Variants in EIF3M observed in about 807,000 individuals in gnomAD.
The protein encoded by EIF3M is eukaryotic translation initiation factor 3 subunit M, also known as B5 receptor.
EIF3M carries 25 observed loss-of-function variants against 49.7 expected under a neutral mutation model. The observed-to-expected ratio is 0.50, with a 90% CI of 0.37 to 0.70. EIF3M has a LOEUF of 0.70. EIF3M is among the 30% of genes least tolerant of loss of function. The pLI is 0.00. For synonymous variants in EIF3M, 156 were observed against 149.8 expected, an observed-to-expected ratio of 1.04 and a Z score of -0.30; for missense variants, 350 against 440.0, an observed-to-expected ratio of 0.80 and a Z score of 1.83.
intron 3 of EIF3M, 116 bp from the exon 4 acceptor site, chr11:32,588,896 C>T: frequency 6.5e-7 from 1 of 1,533,158 alleles, no homozygotes; most frequent in Non-Finnish European, 8.8e-7. Flanking sequence ...CTAGTTTCCT[C>T]CTTTGTAATA....
intron 5 of EIF3M, 105 bp from the exon 6 acceptor site, chr11:32,593,761 G>A: frequency 3.0e-6 from 2 of 671,338 alleles, no homozygotes; most frequent in Non-Finnish European, 4.4e-6. Flanking sequence ...GTCTCTCTTA[G>A]TCACCGTTAT....
chr11:32,603,660 A>G lies in EIF3M; in HGVS notation c.*1261A>G, dbSNP rs1028479899. On this transcript the variant is annotated 3_prime_UTR_variant, in exon 11 of 11. Coordinates refer to ENST00000531120, the MANE Select transcript of EIF3M (RefSeq NM_006360.6). ...ATACTCCCTTTTATGGATGTTTGATATATCTCCTACTACTGAATGTTTGTT... is the reference window on the plus strand; with the variant it reads ...ATACTCCCTTTTATGGATGTTTGATGTATCTCCTACTACTGAATGTTTGTT... 1 of 152,188 alleles carries G rather than the reference A, an allele frequency of 6.6e-6. No individual in the cohort carries two copies. Among genetic ancestry groups the G allele is most frequent in the Non-Finnish European group, 1.5e-5 (1 of 68,034 alleles). 9.4% of individuals were successfully genotyped at this position (152,188 alleles called of 1,614,324 possible).
chr11:32,587,168 T>C, intron 2 of EIF3M, 24 bp downstream of exon 2: 1 of 1,539,370 alleles, frequency 6.5e-7, no homozygotes, highest in Non-Finnish European at 8.8e-7. Context: ...TTTTTTCTAA[T>C]ATTTCCTAAT....
Position 32,600,800 on chromosome 11 carries a change from G to A in EIF3M, c.911G>A (p.Gly304Glu), listed in dbSNP as rs1565051439. Residue 304 changes from glycine to glutamate, a missense_variant, in exon 9 of 11, where the codon GGA (glycine) becomes GAA (glutamate). By Grantham distance (98) the Gly-to-Glu change is moderately conservative (BLOSUM62 -2). Transcript: ENST00000531120. Reference protein sequence around the residue: ...FDTMQQELQIGADDVEAFVID... With the variant: ...FDTMQQELQIEADDVEAFVID... ...ACAATGCAGCAAGAACTTCAGATTG[G>A]AGCTGATGATGTTGAAGCATTTGTT... 1 of 1,609,340 alleles carries A rather than the reference G, an allele frequency of 6.2e-7. No homozygotes were observed. Among genetic ancestry groups the A allele is most frequent in the Non-Finnish European group, 8.5e-7 (1 of 1,177,596 alleles).
chr11:32,588,966 T>G, intron 3 of EIF3M, 46 bp from the exon 4 acceptor site: 1 of 1,607,022 alleles, frequency 6.2e-7, no homozygotes, highest in Non-Finnish European at 8.5e-7. Flanking sequence ...AACTTAAAAC[T>G]GGTTGCTGAT....
rs377125958 is a variant in EIF3M, at chr11:32,587,009, C to G, written c.43-3C>G. 3.1e-6 allele frequency: 5 copies of G among 1,604,266 alleles called. No individual in the cohort carries two copies. The African/African-American group carries it at 4.0e-5, about 13-fold the overall frequency. ...AGTTTTATAATAGAGCAATCCTCAA[C>G]AGGCTGCTGAGCTTCGTGCTTATCT... is the stretch of plus-strand genomic sequence containing the variant. On this transcript the variant is annotated splice_polypyrimidine_tract_variant and splice_region_variant and intron_variant, in intron 1 of 10. Transcript: ENST00000531120.
Position 32,587,112 on chromosome 11 carries a change from C to G in EIF3M, c.143C>G (p.Ala48Gly). ...GTTGATTTAGCTCAAATTATTGAAG[C>G]CTGTGATGTGTGTCTGAAGGAGGAT... ...LHVDLAQIIE[A>G]CDVCLKEDDK... Residue 48 changes from alanine (A) to glycine (G), a missense_variant, in exon 2 of 11, where the codon GCC becomes GGC. Coordinates refer to ENST00000531120, the MANE Select transcript of EIF3M (RefSeq NM_006360.6). 6.2e-7 allele frequency: 1 copy of G among 1,611,204 alleles called. No individual in the cohort carries two copies.
At chr11:32,587,982 TAAGA>T (rs1400470870) in intron 2 of EIF3M, among the ~76,000 whole-genome samples, 1 of 152,348 alleles carries the variant, frequency 6.6e-6, no homozygotes, top group East Asian at 1.9e-4. Flanking sequence ...TTTCCTTAAT[TAAGA>T]AAGTATCCTA....
intron 9 of EIF3M, 154 bp from the exon 10 acceptor site, chr11:32,601,608 C>T (rs1431312759): frequency 1.2e-5 from 7 of 606,886 alleles, no homozygotes; most frequent in Middle Eastern, 4.6e-4. Context: ...TTTTGGTTGC[C>T]CCATACTGTT....
intron 4 of EIF3M, 58 bp downstream of exon 4, chr11:32,589,193 TGAG>T: frequency 6.4e-7 from 1 of 1,571,300 alleles, no homozygotes; most frequent in African/African-American, 1.4e-5. Flanking sequence ...TTTTTTTTTT[TGAG>T]ACGGAGTTTC....
intron 6 of EIF3M, chr11:32,594,155 T>C: frequency 2.8e-6 from 1 of 362,972 alleles, no homozygotes; most frequent in Non-Finnish European, 4.9e-6. Context: ...AGTAGCTGCA[T>C]GGCGTTTACC....
At position 32,605,452 on chromosome 11, in the gene EIF3M, C is replaced by T. The variant is rs997446641; in HGVS notation, c.*3053C>T. 1 of 152,114 alleles carries T rather than the reference C, an allele frequency of 6.6e-6. No individual in the cohort carries two copies. Among genetic ancestry groups the T allele is most frequent in the Non-Finnish European group, 1.5e-5 (1 of 68,034 alleles). 9.4% of individuals were successfully genotyped at this position (152,114 alleles called of 1,614,324 possible). The stretch of plus-strand genomic sequence containing the variant: ...TTACTCATTAGCTTCTTTTAGTTCC[C>T]AGATGCTATTACTGGAAAGAATAAC... On this transcript the variant is annotated 3_prime_UTR_variant, in exon 11 of 11. Coordinates refer to ENST00000531120, the MANE Select transcript of EIF3M (RefSeq NM_006360.6).
intron 1 of EIF3M, among the ~76,000 whole-genome samples, chr11:32,584,493 A>G (rs1854961722): frequency 6.6e-6 from 1 of 151,538 alleles, no homozygotes; most frequent in Non-Finnish European, 1.5e-5. Flanking sequence ...CTGTAGTCCC[A>G]GCTACTGCCG....
At chr11:32,584,028 AC>A in intron 1 of EIF3M, 99 bp downstream of exon 1, 1 of 1,491,350 alleles carries the variant, frequency 6.7e-7, no homozygotes, top group Non-Finnish European at 9.2e-7. Context: ...CGGGGCTGAC[AC>A]CCGCAGCTGT....
chr11:32,602,611 A>G lies in EIF3M; in HGVS notation c.*212A>G. ...TTCTGTTCTTTAAAAAAGGATATTG[A>G]AGAAGCAATGAGCACTTTAAAGAAA... On this transcript the variant is annotated 3_prime_UTR_variant, in exon 11 of 11. Transcript: ENST00000531120. 1 of 760,358 alleles carries G rather than the reference A, an allele frequency of 1.3e-6. No individual in the cohort carries two copies. The highest frequency in any genetic ancestry group is 2.0e-6 in the Non-Finnish European group (1 of 491,342). The allele number at this position is 760,358 out of a possible 1,614,324, so 47.1% of individuals were successfully genotyped here. A position where few individuals can be genotyped will look rare whatever the true frequency, so the allele number is the denominator to read the frequency against.
intron 8 of EIF3M, among the ~76,000 whole-genome samples, chr11:32,596,472 G>A (rs758982831): frequency 2.7e-4 from 41 of 151,952 alleles, no homozygotes; most frequent in Non-Finnish European, 4.1e-4. Flanking sequence ...GCGGGTGCCC[G>A]TAGTCCCAGC....
intron 5 of EIF3M, among the ~76,000 whole-genome samples, chr11:32,591,373 TAAGTC>T (rs1855100515): frequency 6.6e-6 from 1 of 152,370 alleles, no homozygotes; most frequent in African/African-American, 2.4e-5. Flanking sequence ...TTTTTATAGT[TAAGTC>T]ATTATACTTT....
At chr11:32,598,283 CAG>C (rs775595345) in intron 8 of EIF3M, among the ~76,000 whole-genome samples, 97 of 152,230 alleles carry the variant, frequency 6.4e-4, no homozygotes, top group Middle Eastern at 6.8e-3. Flanking sequence ...CATTTTAAGA[CAG>C]GGGTCAGTGA....
rs79909167 is a variant in EIF3M at position 32,594,172 on chromosome 11, G to T, written c.617+223G>T. On this transcript the variant is annotated intron_variant, in intron 6 of 10. Transcript: ENST00000531120. Reference sequence around the variant, plus strand: ...TAGCTGCATGGCGTTTACCTGGCGGGGGGGGTATTGCTGGTATGGGGATGA... The same window carrying T: ...TAGCTGCATGGCGTTTACCTGGCGGTGGGGGTATTGCTGGTATGGGGATGA... The T allele has an allele frequency of 7.2e-4, 245 of 341,020 alleles. 2 individuals carry two copies. The East Asian group carries it at 9.7e-3, about 13-fold the overall frequency. 21.1% of individuals were successfully genotyped at this position (341,020 alleles called of 1,614,324 possible).
Sources: allele counts gnomAD v4.1 joint callset (sites outside exome capture counted in the v4.1 genomes callset), GRCh38; gene constraint gnomAD v4.1.1; transcripts MANE v1.5; gene names NCBI Gene and HGNC (gene_info 2026-07-23, HGNC 2026-07-21).